Variants in TPCN1 observed in about 807,000 individuals in gnomAD.
The protein encoded by TPCN1 is two pore segment channel 1.
Under a neutral mutation model 108.8 loss-of-function variants are expected in TPCN1, and 52 were observed. The ratio of observed to expected loss-of-function variants is 0.48; its 90% CI spans 0.38 to 0.60. The LOEUF is 0.60. Ranked by LOEUF, TPCN1 falls within the 20% of genes least tolerant of loss-of-function variation. The pLI, the probability that TPCN1 is intolerant of heterozygous loss-of-function variation, is 0.00. For synonymous variants in TPCN1, 446 were observed against 433.7 expected (o/e 1.03, Z -0.35); for missense variants, 806 against 1,072.8 (o/e 0.75, Z 3.47).
chr12:113,253,859 A>T (rs1213196189), intron 2 of TPCN1, among the ~76,000 whole-genome samples: 1 of 152,218 alleles, frequency 6.6e-6, no homozygotes, highest in Non-Finnish European at 1.5e-5. Context: ...TTTATGGAAA[A>T]TAAAATCTGC....
At position 113,280,258 on chromosome 12, in the gene TPCN1, C is replaced by T. The variant is rs879017908; in HGVS notation, c.1342+63C>T. The T allele has an allele frequency of 2.7e-5, 38 of 1,394,588 alleles. No homozygotes were observed. The South Asian group carries it at 2.8e-4, about 10-fold the overall frequency. 86.4% of individuals were successfully genotyped at this position (1,394,588 alleles called of 1,614,324 possible). ...CCTGAGTCCTTTGCTGTTCTAGAAG[C>T]GGGAGAGGCAAGAGATTGGTCCTAG... is the stretch of plus-strand genomic sequence containing the variant. On this transcript the variant is annotated intron_variant, in intron 15 of 27. Coordinates refer to ENST00000335509, the MANE Select transcript of TPCN1 (RefSeq NM_017901.6).
intron 2 of TPCN1, among the ~76,000 whole-genome samples, chr12:113,252,147 G>A (rs572699882): frequency 6.6e-6 from 1 of 152,264 alleles, no homozygotes; most frequent in Non-Finnish European, 1.5e-5. Context: ...ACTGTCCTTT[G>A]TGGCTTTGAA....
At position 113,266,060 on chromosome 12, in the gene TPCN1, C is replaced by A; in HGVS notation, c.238-120C>A. The A allele has an allele frequency of 9.2e-7, 1 of 1,084,812 alleles. No individual in the cohort carries two copies. Among genetic ancestry groups the A allele is most frequent in the Non-Finnish European group, 1.3e-6 (1 of 742,868 alleles). 67.2% of individuals were successfully genotyped at this position (1,084,812 alleles called of 1,614,324 possible). A position where few individuals can be genotyped will look rare whatever the true frequency, so the allele number is the denominator to read the frequency against. On this transcript the variant is annotated intron_variant, in intron 3 of 27. Coordinates refer to ENST00000335509, the MANE Select transcript of TPCN1 (RefSeq NM_017901.6). The surrounding 1 kb of genome is among the most constrained non-coding windows in gnomAD (Gnocchi z 4.2). ...ATTTTGATTTTCCAGCATCTTCTGT[C>A]TCTGGCCTGAATCTCTCCTCGCCTG...
intron 17 of TPCN1, among the ~76,000 whole-genome samples, chr12:113,285,388 T>G (rs530723917): frequency 5.4e-4 from 82 of 150,866 alleles, no homozygotes; most frequent in South Asian, 2.7e-3. Flanking sequence ...TCTCTTTTTT[T>G]GGGGCAGGAT....
chr12:113,266,188 GAAC>G lies in TPCN1; in HGVS notation c.250_252del (p.Asn84del). 6.2e-7 allele frequency: 1 copy of G among 1,614,132 alleles called. No individual in the cohort carries two copies. Among genetic ancestry groups the G allele is most frequent in the Non-Finnish European group, 8.5e-7 (1 of 1,180,024 alleles). Reference sequence around the variant, plus strand: ...TACTCTCATCTTTTCAGGAAGGCGAGAACAACGACAAGTTCTTCACCCACCCCA... The same window carrying G: ...TACTCTCATCTTTTCAGGAAGGCGAGAACGACAAGTTCTTCACCCACCCCA... On this transcript the variant is annotated inframe_deletion, in exon 4 of 28. Transcript: ENST00000335509. The surrounding 1 kb of genome is among the most constrained non-coding windows in gnomAD (Gnocchi z 4.2).
rs757709971 is a variant in TPCN1, at chr12:113,277,237, C to G, written c.1060-3C>G. ...TTCCACACTGCTCTTCCCTCTCCCC[C>G]AGAGGCCTGCCGGCATCTCCTACAG... On this transcript the variant is annotated splice_polypyrimidine_tract_variant and splice_region_variant and intron_variant, in intron 11 of 27. Coordinates refer to ENST00000335509, the MANE Select transcript of TPCN1 (RefSeq NM_017901.6). The G allele has an allele frequency of 1.9e-6, 3 of 1,612,568 alleles. No homozygotes were observed. The highest frequency in any genetic ancestry group is 1.7e-6 in the Non-Finnish European group (2 of 1,179,280).
chr12:113,243,887 G>A (rs1343855830), intron 2 of TPCN1, among the ~76,000 whole-genome samples: 1 of 152,200 alleles, frequency 6.6e-6, no homozygotes, highest in Non-Finnish European at 1.5e-5. Context: ...ATCTCAGGCT[G>A]CAGTCACTGC....
intron 10 of TPCN1, 141 bp from the exon 11 acceptor site, chr12:113,276,778 T>G (rs1259034637): frequency 1.5e-6 from 1 of 658,520 alleles, no homozygotes; most frequent in Admixed American, 2.4e-5. Context: ...CCCCATGAGG[T>G]GCAGGCGAGA....
chr12:113,294,585 C>T (rs954303699), intron 27 of TPCN1, among the ~76,000 whole-genome samples: 1 of 151,428 alleles, frequency 6.6e-6, no homozygotes, highest in African/African-American at 2.4e-5. Context: ...CAAGATCATG[C>T]CACTGCACTC....
chr12:113,233,774 T>C (rs1953784734), intron 2 of TPCN1, among the ~76,000 whole-genome samples: 1 of 152,118 alleles, frequency 6.6e-6, no homozygotes, highest in Admixed American at 6.5e-5. Flanking sequence ...TCCCAGCAGA[T>C]TTGGGGGGCC....
intron 1 of TPCN1, among the ~76,000 whole-genome samples, chr12:113,222,319 G>A (rs1755969805): frequency 6.6e-6 from 1 of 152,222 alleles, no homozygotes; most frequent in Admixed American, 6.5e-5. Flanking sequence ...TAAAAGGCAA[G>A]TTAACCACTC....
chr12:113,247,941 C>A (rs1286063364), intron 2 of TPCN1, among the ~76,000 whole-genome samples: 3 of 152,232 alleles, frequency 2.0e-5, no homozygotes, highest in African/African-American at 7.2e-5. Context: ...AGAACAAAGT[C>A]CGTCCTGGGA....
At chr12:113,279,911 C>T (rs867800842) in intron 14 of TPCN1, among the ~76,000 whole-genome samples, 1 of 151,992 alleles carries the variant, frequency 6.6e-6, no homozygotes, top group African/African-American at 2.4e-5. Flanking sequence ...TGCTCAGGCT[C>T]CCCCCAGAGC....
intron 2 of TPCN1, among the ~76,000 whole-genome samples, chr12:113,247,381 C>T (rs935577750): frequency 1.3e-5 from 2 of 152,224 alleles, no homozygotes; most frequent in African/African-American, 4.8e-5. Flanking sequence ...TTTGATCTGC[C>T]CCTTCTGCCC....
chr12:113,258,208 T>C (rs973485731), intron 2 of TPCN1, among the ~76,000 whole-genome samples: 12 of 152,226 alleles, frequency 7.9e-5, no homozygotes, highest in Admixed American at 3.9e-4. Flanking sequence ...GGCTCACATC[T>C]ATAATCCCAG....
intron 15 of TPCN1, among the ~76,000 whole-genome samples, chr12:113,282,723 C>G (rs1955930687): frequency 6.6e-6 from 1 of 150,552 alleles, no homozygotes; most frequent in African/African-American, 2.4e-5. Context: ...CGCCACTGCA[C>G]TCCAGCCTGG....
In TPCN1 at chr12:113,286,446, G is replaced by A. The variant is rs570768504; in HGVS notation, c.1526+485G>A. 4.6e-5 allele frequency among the ~76,000 whole-genome samples: 7 copies of A among 152,328 alleles called. No homozygotes were observed. In the South Asian group the frequency reaches 6.2e-4, roughly 14 times the overall value. Reference sequence around the variant, plus strand: ...GCCGCGAGGGTGAGCGGGTTAACACGCAGAGCGGAGTTGGGAGGAGCCGAC... The same window carrying A: ...GCCGCGAGGGTGAGCGGGTTAACACACAGAGCGGAGTTGGGAGGAGCCGAC... On this transcript the variant is annotated intron_variant, in intron 18 of 27. Transcript: ENST00000335509.
At chr12:113,255,686 C>T (rs887781383) in intron 2 of TPCN1, among the ~76,000 whole-genome samples, 1 of 151,764 alleles carries the variant, frequency 6.6e-6, no homozygotes, top group South Asian at 2.1e-4. Context: ...CCACCATGCC[C>T]GGCTAATTTT....
Position 113,221,508 on chromosome 12 carries a change from G to A in TPCN1, c.-244G>A, listed in dbSNP as rs1953218461. The A allele has an allele frequency of 6.9e-6, 2 of 290,758 alleles. No homozygotes were observed. Among genetic ancestry groups the A allele is most frequent in the South Asian group, 2.8e-5 (1 of 35,362 alleles). 18.0% of individuals were successfully genotyped at this position (290,758 alleles called of 1,614,324 possible). ...GGTGGCAGTGGCTGAAGTGGCGGCG[G>A]CTTCGGCGGCTGCGGCGGCTGCAAC... is the stretch of plus-strand genomic sequence containing the variant. On this transcript the variant is annotated 5_prime_UTR_variant, in exon 1 of 28. Coordinates refer to ENST00000335509, the MANE Select transcript of TPCN1 (RefSeq NM_017901.6).
Sources: allele counts gnomAD v4.1 joint callset (sites outside exome capture counted in the v4.1 genomes callset), GRCh38; gene constraint gnomAD v4.1.1; non-coding constraint Gnocchi (gnomAD v3.1); transcripts MANE v1.5; gene names NCBI Gene and HGNC (gene_info 2026-07-23, HGNC 2026-07-21).